SYNDIG1L: variants seen among roughly 807,000 people sequenced by gnomAD.
The protein encoded by SYNDIG1L is synapse differentiation-inducing gene protein 1-like.
SYNDIG1L carries 13 observed loss-of-function variants against 20.1 expected under a neutral mutation model. The observed-to-expected ratio is 0.65, with a 90% CI of 0.42 to 1.03. SYNDIG1L has a LOEUF of 1.03. Among genes scored for constraint, SYNDIG1L ranks in the 50% least tolerant of loss-of-function variants. SYNDIG1L has a pLI of 0.00. For missense variants in SYNDIG1L, 294 were observed against 305.1 expected (o/e 0.96, Z 0.27); for synonymous variants, 128 against 129.3 (o/e 0.99, Z 0.07).
chr14:74,418,622 AT>A (rs2086196815), intron 1 of SYNDIG1L, among the ~76,000 whole-genome samples: 1 of 152,298 alleles, frequency 6.6e-6, no homozygotes, highest in South Asian at 2.1e-4. Context: ...AGCAAAAGTG[AT>A]GCTATGTGAC....
the SYNDIG1L span, among the ~76,000 whole-genome samples, chr14:74,432,003 C>A: frequency 6.6e-6 from 1 of 152,046 alleles, no homozygotes; most frequent in Admixed American, 6.5e-5. Flanking sequence ...GGGAGCACCA[C>A]CCTGGGGGCT....
chr14:74,437,840 G>C, the SYNDIG1L span, among the ~76,000 whole-genome samples: 1 of 152,118 alleles, frequency 6.6e-6, no homozygotes, highest in African/African-American at 2.4e-5. Flanking sequence ...AGCCGCTCAG[G>C]GGCTGTTTTG....
chr14:74,442,817 T>C, the SYNDIG1L span, among the ~76,000 whole-genome samples: 1 of 152,124 alleles, frequency 6.6e-6, no homozygotes, highest in African/African-American at 2.4e-5. Context: ...TTAGATGGGT[T>C]GGAGTGGGAG....
At chr14:74,458,200 T>C in the SYNDIG1L span, among the ~76,000 whole-genome samples, 5 of 152,166 alleles carry the variant, frequency 3.3e-5, no homozygotes, top group African/African-American at 9.7e-5. Context: ...GAGAAAATAA[T>C]AACTCATTTA....
Position 74,409,773 on chromosome 14 carries a change from G to T in SYNDIG1L, c.-29C>A. On this transcript the variant is annotated 5_prime_UTR_variant, in exon 2 of 4. Transcript: ENST00000331628. ...TCTGGGGCAGCTGCTGGGGAGGGGG[G>T]CCTGGGCCAGCTGAGCAGTCCTCAG... 1 of 1,412,718 alleles carries T rather than the reference G, an allele frequency of 7.1e-7. No individual in the cohort carries two copies. The highest frequency in any genetic ancestry group is 9.3e-7 in the Non-Finnish European group (1 of 1,079,360). 87.5% of individuals were successfully genotyped at this position (1,412,718 alleles called of 1,614,324 possible). A position where few individuals can be genotyped will look rare whatever the true frequency, so the allele number is the denominator to read the frequency against.
intron 1 of SYNDIG1L, among the ~76,000 whole-genome samples, chr14:74,414,423 T>C (rs905959910): frequency 2.0e-5 from 3 of 152,174 alleles, no homozygotes; most frequent in African/African-American, 7.2e-5. Flanking sequence ...GTTGTCTTTT[T>C]CTGAGCTGAG....
chr14:74,469,510 A>T, the SYNDIG1L span, among the ~76,000 whole-genome samples: 17 of 144,288 alleles, frequency 1.2e-4, 1 homozygote, highest in South Asian at 3.4e-3. Context: ...CCTAGAACTT[A>T]AAGTATAATA....
intron 1 of SYNDIG1L, among the ~76,000 whole-genome samples, chr14:74,414,852 A>G (rs1451392159): frequency 6.6e-6 from 1 of 152,126 alleles, no homozygotes; most frequent in Non-Finnish European, 1.5e-5. Context: ...CGCCAATAAC[A>G]GCTAGAAAAG....
the SYNDIG1L span, among the ~76,000 whole-genome samples, chr14:74,439,295 T>C: frequency 6.6e-6 from 1 of 152,126 alleles, no homozygotes; most frequent in Non-Finnish European, 1.5e-5. Flanking sequence ...CACTTGACTC[T>C]TGAGGGTCTG....
the SYNDIG1L span, among the ~76,000 whole-genome samples, chr14:74,448,515 A>G: frequency 1.3e-5 from 2 of 152,208 alleles, no homozygotes; most frequent in African/African-American, 4.8e-5. Flanking sequence ...TAGAATTGCA[A>G]GAAGAAACAG....
the SYNDIG1L span, among the ~76,000 whole-genome samples, chr14:74,478,383 GGAAA>G: frequency 1.8e-4 from 27 of 152,226 alleles, 1 homozygote; most frequent in Admixed American, 1.5e-3. Context: ...AATAAGTGGA[GGAAA>G]GAAAAATATA....
At chr14:74,442,934 G>A in the SYNDIG1L span, among the ~76,000 whole-genome samples, 1 of 152,196 alleles carries the variant, frequency 6.6e-6, no homozygotes, top group Admixed American at 6.5e-5. Context: ...AGGAGCAGCA[G>A]GTATGGGTCA....
the SYNDIG1L span, among the ~76,000 whole-genome samples, chr14:74,445,483 T>C: frequency 1.3e-5 from 2 of 151,866 alleles, no homozygotes; most frequent in Non-Finnish European, 2.9e-5. Flanking sequence ...TGTGTGTGTG[T>C]GTGTGTTTTG....
the SYNDIG1L span, chr14:74,480,042 G>T: frequency 5.4e-6 from 8 of 1,492,592 alleles, no homozygotes; most frequent in Non-Finnish European, 6.2e-6. Context: ...TTAAACATCT[G>T]CTAACCAAGT....
At chr14:74,477,585 T>C in the SYNDIG1L span, among the ~76,000 whole-genome samples, 1 of 151,986 alleles carries the variant, frequency 6.6e-6, no homozygotes. Flanking sequence ...AAACCAAATA[T>C]GCAGGATTTA....
At chr14:74,435,513 T>G in the SYNDIG1L span, among the ~76,000 whole-genome samples, 1 of 152,216 alleles carries the variant, frequency 6.6e-6, no homozygotes, top group African/African-American at 2.4e-5. Context: ...CTGGGCTTTG[T>G]GATTCCTTAC....
the SYNDIG1L span, among the ~76,000 whole-genome samples, chr14:74,451,744 C>T: frequency 6.6e-6 from 1 of 152,140 alleles, no homozygotes; most frequent in African/African-American, 2.4e-5. Flanking sequence ...GTAATCCCAG[C>T]ACTTTGGGAG....
the SYNDIG1L span, among the ~76,000 whole-genome samples, chr14:74,477,118 A>AACAC: frequency 0.01 from 834 of 83,138 alleles, 73 homozygotes; most frequent in South Asian, 0.045. Context: ...CCCCATTCCC[A>AACAC]ACACACACAC....
the SYNDIG1L span, among the ~76,000 whole-genome samples, chr14:74,462,488 GA>G: frequency 1.6e-4 from 24 of 147,606 alleles, no homozygotes; most frequent in East Asian, 2.4e-3. Flanking sequence ...TATCTCAAAA[GA>G]AAAAAAAAAG....
Sources: gnomAD v4.1 joint callset for allele counts (sites outside exome capture counted in the v4.1 genomes callset) on GRCh38, gnomAD v4.1.1 for gene constraint, MANE v1.5 for transcripts, NCBI Gene and HGNC (gene_info 2026-07-23, HGNC 2026-07-21) for gene names.